Variants in SPIN1 observed in about 807,000 individuals in gnomAD.
SPIN1 encodes the protein spindlin 1.
A neutral mutation model predicts 26.0 loss-of-function variants in SPIN1; 3 were observed. That is an observed-to-expected ratio of 0.12 (90% CI 0.05 to 0.30). The LOEUF (loss-of-function observed/expected upper bound fraction) is 0.30, where lower values mean the gene tolerates loss of function less well. Ranked by LOEUF, SPIN1 falls within the 10% of genes least tolerant of loss-of-function variation. SPIN1 has a pLI of 1.00. For missense variants in SPIN1, 126 were observed against 333.4 expected, an observed-to-expected ratio of 0.38 and a Z score of 4.84; for synonymous variants, 101 against 116.5, an observed-to-expected ratio of 0.87 and a Z score of 0.86.
chr9:88,431,290 C>CT (rs537803394), intron 2 of SPIN1, among the ~76,000 whole-genome samples: 5,599 of 143,350 alleles, frequency 0.039, 349 homozygotes, highest in African/African-American at 0.13. Flanking sequence ...CTCTCTCTCT[C>CT]TTTTTTTTTT....
At chr9:88,389,967 G>A (rs187218377) in intron 1 of SPIN1, among the ~76,000 whole-genome samples, 254 of 151,906 alleles carry the variant, frequency 1.7e-3, no homozygotes, top group African/African-American at 5.8e-3. Context: ...CCAAAATATT[G>A]TAGTACCTGG....
intron 1 of SPIN1, among the ~76,000 whole-genome samples, chr9:88,393,383 C>T (rs1184116538): frequency 6.8e-6 from 1 of 146,690 alleles, no homozygotes; most frequent in Non-Finnish European, 1.5e-5. Context: ...ATTTGAATTA[C>T]TGTTGCTTAA....
chr9:88,395,917 C>T (rs536009698), intron 1 of SPIN1, among the ~76,000 whole-genome samples: 19 of 152,024 alleles, frequency 1.2e-4, no homozygotes, highest in African/African-American at 4.1e-4. Context: ...CGTGGTGGCG[C>T]GTGCCTGTAA....
chr9:88,430,285 C>T (rs1437506826), intron 2 of SPIN1, among the ~76,000 whole-genome samples: 3 of 152,204 alleles, frequency 2.0e-5, no homozygotes, highest in Non-Finnish European at 4.4e-5. Context: ...CTTTAGCCAC[C>T]CGGCCTCCTG....
At chr9:88,455,713 C>T (rs532945981) in intron 3 of SPIN1, among the ~76,000 whole-genome samples, 2 of 152,240 alleles carry the variant, frequency 1.3e-5, no homozygotes, top group African/African-American at 4.8e-5. Flanking sequence ...TACAGTGGTT[C>T]ATACTTCTAA....
Position 88,441,398 on chromosome 9 carries a change from C to CGTGTGTGTGTGTGTGT in SPIN1, c.53-7541_53-7526dup, listed in dbSNP as rs60571153. Among the ~76,000 whole-genome samples the CGTGTGTGTGTGTGTGT allele has an allele frequency of 2.5e-4, 35 of 137,798 alleles. 1 individual carries two copies. The South Asian group carries it at 2.8e-3, about 11-fold the overall frequency. The allele number at this position is 137,798 out of a possible 152,430, so 90.4% of individuals were successfully genotyped here. A position where few individuals can be genotyped will look rare whatever the true frequency, so the allele number is the denominator to read the frequency against. On this transcript the variant is annotated intron_variant, in intron 2 of 5. Transcript: ENST00000375859. ...TGGTTGTATCATCATTGCTGCCATTCGTGTGTGTGTGTGTGTGCGCGCGCG... is the reference window on the plus strand; with the variant it reads ...TGGTTGTATCATCATTGCTGCCATTCGTGTGTGTGTGTGTGTGTGTGTGTGTGTGTGTGCGCGCGCG...
intron 1 of SPIN1, among the ~76,000 whole-genome samples, chr9:88,409,719 T>C (rs1245507658): frequency 4.0e-5 from 6 of 151,610 alleles, no homozygotes; most frequent in Non-Finnish European, 8.8e-5. Flanking sequence ...GCACCTGTAG[T>C]CCCAGCTACT....
At chr9:88,427,238 C>A (rs1364441014) in intron 2 of SPIN1, among the ~76,000 whole-genome samples, 1 of 152,054 alleles carries the variant, frequency 6.6e-6, no homozygotes, top group Non-Finnish European at 1.5e-5. Context: ...GGTTCTTTGA[C>A]AAATGAATCA....
chr9:88,444,166 G>A (rs1828195737), intron 2 of SPIN1, among the ~76,000 whole-genome samples: 1 of 151,368 alleles, frequency 6.6e-6, no homozygotes, highest in Admixed American at 6.6e-5. Context: ...AGCTTTTTAA[G>A]TGCCAGATTC....
intron 2 of SPIN1, among the ~76,000 whole-genome samples, chr9:88,426,923 G>T (rs1206070927): frequency 6.6e-6 from 1 of 152,150 alleles, no homozygotes; most frequent in Non-Finnish European, 1.5e-5. Context: ...GTGAGATTTA[G>T]TGTACTGAGA....
intron 2 of SPIN1, among the ~76,000 whole-genome samples, chr9:88,434,268 A>G (rs1189653224): frequency 6.6e-6 from 1 of 151,920 alleles, no homozygotes; most frequent in East Asian, 1.9e-4. Flanking sequence ...ATGGTTTAGT[A>G]TAGTTTAACT....
At chr9:88,450,570 C>T (rs948199784) in intron 3 of SPIN1, among the ~76,000 whole-genome samples, 1 of 152,098 alleles carries the variant, frequency 6.6e-6, no homozygotes, top group East Asian at 1.9e-4. Flanking sequence ...GTTTGATTCC[C>T]TAAAGCATAA....
chr9:88,453,138 T>C (rs560118768), intron 3 of SPIN1, among the ~76,000 whole-genome samples: 2 of 151,152 alleles, frequency 1.3e-5, no homozygotes, highest in South Asian at 4.2e-4. Context: ...TTTGCTTTCC[T>C]TTTTTTTTAA....
intron 1 of SPIN1, among the ~76,000 whole-genome samples, chr9:88,398,833 C>G (rs1295794771): frequency 6.6e-6 from 1 of 151,874 alleles, no homozygotes; most frequent in East Asian, 1.9e-4. Flanking sequence ...CTTGGCCTCC[C>G]TGGGATTACA....
At chr9:88,389,614 A>G (rs1464037480) in intron 1 of SPIN1, among the ~76,000 whole-genome samples, 3 of 152,224 alleles carry the variant, frequency 2.0e-5, no homozygotes, top group Admixed American at 1.3e-4. Context: ...GTTAATCACA[A>G]AACAATACCA....
chr9:88,407,526 TGTG>T (rs1409622490), intron 1 of SPIN1, among the ~76,000 whole-genome samples: 1 of 151,722 alleles, frequency 6.6e-6, no homozygotes, highest in Non-Finnish European at 1.5e-5. Flanking sequence ...GCTATTGAAT[TGTG>T]GTCAGGAGCA....
At chr9:88,449,366 T>C (rs1412172711) in intron 3 of SPIN1, among the ~76,000 whole-genome samples, 1 of 152,102 alleles carries the variant, frequency 6.6e-6, no homozygotes, top group Non-Finnish European at 1.5e-5. Flanking sequence ...AGGAGCTCCT[T>C]TTGGGCAGAG....
chr9:88,402,177 G>A (rs1191934073), intron 1 of SPIN1, among the ~76,000 whole-genome samples: 1 of 152,014 alleles, frequency 6.6e-6, no homozygotes, highest in Non-Finnish European at 1.5e-5. Flanking sequence ...AATTTTAGTA[G>A]AGACAGGGTT....
intron 3 of SPIN1, among the ~76,000 whole-genome samples, chr9:88,454,355 A>G (rs966919646): frequency 8.5e-5 from 13 of 152,246 alleles, no homozygotes; most frequent in African/African-American, 2.9e-4. Flanking sequence ...TATTTGGGAT[A>G]TTCTTAGACT....
Sources: allele counts gnomAD v4.1 joint callset (sites outside exome capture counted in the v4.1 genomes callset), GRCh38; gene constraint gnomAD v4.1.1; transcripts MANE v1.5; gene names NCBI Gene and HGNC (gene_info 2026-07-23, HGNC 2026-07-21).